The following CDH12 variants were observed in gnomAD, a reference collection of about 807,000 sequenced individuals.
The protein encoded by CDH12 is cadherin-12.
Under a neutral mutation model 74.1 loss-of-function variants are expected in CDH12, and 41 were observed. That is an observed-to-expected ratio of 0.55 (90% CI 0.43 to 0.72). CDH12 has a LOEUF of 0.72. Among genes scored for constraint, CDH12 ranks in the 30% least tolerant of loss-of-function variants. The probability of loss-of-function intolerance (pLI) is 0.00; values close to 1 mark genes in which losing one functional copy is unlikely to be tolerated. For synonymous variants in CDH12, 399 were observed against 355.0 expected, an observed-to-expected ratio of 1.12 and a Z score of -1.39; for missense variants, 945 against 977.2, an observed-to-expected ratio of 0.97 and a Z score of 0.44.
At chr5:22,814,166 C>A (rs769150257) in intron 1 of CDH12, among the ~76,000 whole-genome samples, 67 of 152,074 alleles carry the variant, frequency 4.4e-4, no homozygotes, top group Admixed American at 1.2e-3. Context: ...TCTTGTCTTA[C>A]ATAATCTAGG....
intron 1 of CDH12, 34 bp downstream of exon 1, chr5:22,853,024 G>C (rs910460136): frequency 6.6e-6 from 1 of 152,230 alleles, no homozygotes; most frequent in African/African-American, 2.4e-5. Flanking sequence ...TCACACACAC[G>C]CGGTGCAATC....
chr5:22,135,243 A>T (rs1746392393), intron 4 of CDH12, among the ~76,000 whole-genome samples: 1 of 151,570 alleles, frequency 6.6e-6, no homozygotes, highest in South Asian at 2.1e-4. Context: ...AATCAGACCA[A>T]ACAAAAACAA....
At chr5:22,286,481 G>T (rs929519029) in intron 3 of CDH12, among the ~76,000 whole-genome samples, 1 of 152,054 alleles carries the variant, frequency 6.6e-6, no homozygotes, top group Admixed American at 6.5e-5. Context: ...CAGCAGAGTC[G>T]GGTTTCATCT....
intron 1 of CDH12, among the ~76,000 whole-genome samples, chr5:22,784,586 G>C (rs1394112940): frequency 6.6e-6 from 1 of 151,958 alleles, no homozygotes; most frequent in African/African-American, 2.4e-5. Context: ...TAGTTAAAAC[G>C]ATCATGGCTT....
intron 4 of CDH12, among the ~76,000 whole-genome samples, chr5:22,174,603 C>T (rs947348541): frequency 6.6e-6 from 1 of 151,744 alleles, no homozygotes; most frequent in African/African-American, 2.4e-5. Flanking sequence ...TAATATAGAC[C>T]GACCATAATG....
chr5:22,437,240 A>G (rs1744434419), intron 2 of CDH12, among the ~76,000 whole-genome samples: 1 of 151,926 alleles, frequency 6.6e-6, no homozygotes, highest in East Asian at 1.9e-4. Flanking sequence ...TACTAAATAT[A>G]TCAAAATGTT....
chr5:22,560,527 GA>G (rs1318254849), intron 1 of CDH12, among the ~76,000 whole-genome samples: 3 of 151,696 alleles, frequency 2.0e-5, no homozygotes, highest in South Asian at 2.1e-4. Context: ...ACAAAATGTT[GA>G]AAGCAAAAAT....
At chr5:21,882,950 A>T in intron 6 of CDH12, 1 of 1,599,312 alleles carries the variant, frequency 6.3e-7, no homozygotes, top group Non-Finnish European at 8.6e-7. Context: ...CTGTACTGGC[A>T]GGCTCTATAG....
At chr5:22,471,572 G>A (rs946947212) in intron 2 of CDH12, among the ~76,000 whole-genome samples, 3 of 152,058 alleles carry the variant, frequency 2.0e-5, no homozygotes, top group Non-Finnish European at 4.4e-5. Context: ...AAACTTCCAT[G>A]GGGGGAAAAA....
chr5:22,713,281 C>A (rs1277140039), intron 1 of CDH12, among the ~76,000 whole-genome samples: 1 of 151,618 alleles, frequency 6.6e-6, no homozygotes, highest in African/African-American at 2.4e-5. Flanking sequence ...GCTGGGACTA[C>A]AGGCACAAAC....
chr5:22,255,837 G>A (rs1753293641), intron 3 of CDH12, among the ~76,000 whole-genome samples: 1 of 151,864 alleles, frequency 6.6e-6, no homozygotes, highest in African/African-American at 2.4e-5. Context: ...TATAACATCA[G>A]TATAACTGTT....
At chr5:22,641,173 A>T (rs1292183248) in intron 1 of CDH12, among the ~76,000 whole-genome samples, 1 of 152,130 alleles carries the variant, frequency 6.6e-6, no homozygotes, top group East Asian at 1.9e-4. Flanking sequence ...CTGCAAACTG[A>T]AGCCCCTGGG....
chr5:22,210,358 C>A (rs1751455760), intron 4 of CDH12, among the ~76,000 whole-genome samples: 1 of 145,632 alleles, frequency 6.9e-6, no homozygotes. Context: ...GAGGCAGATG[C>A]TAAGTAAAAT....
chr5:21,890,218 C>T (rs1281171364), intron 6 of CDH12, among the ~76,000 whole-genome samples: 2 of 152,010 alleles, frequency 1.3e-5, no homozygotes, highest in South Asian at 2.1e-4. Flanking sequence ...AGATTTATTT[C>T]CCTCATTCGT....
At chr5:21,855,575 C>G (rs561396230) in intron 6 of CDH12, among the ~76,000 whole-genome samples, 1,019 of 29,460 alleles carry the variant, frequency 0.035, 11 homozygotes, top group Middle Eastern at 0.083. Context: ...GAGTTCAGAA[C>G]AAAGTGTAAT....
At chr5:22,143,775 T>C (rs1746971514) in intron 4 of CDH12, 1 of 152,216 alleles carries the variant, frequency 6.6e-6, no homozygotes, top group Non-Finnish European at 1.5e-5. Context: ...AGATAAGAGG[T>C]GTTCTCCAGA....
intron 5 of CDH12, among the ~76,000 whole-genome samples, chr5:21,982,779 TA>T (rs1303374901): frequency 6.6e-6 from 1 of 152,142 alleles, no homozygotes; most frequent in Non-Finnish European, 1.5e-5. Flanking sequence ...ATACTCTTTT[TA>T]CACTAATTAG....
At chr5:22,787,515 A>T (rs1747697895) in intron 1 of CDH12, among the ~76,000 whole-genome samples, 1 of 152,182 alleles carries the variant, frequency 6.6e-6, no homozygotes, top group Non-Finnish European at 1.5e-5. Context: ...TTAGTGATTC[A>T]TTGCTATACA....
chr5:22,653,184 C>T (rs1442227848), intron 1 of CDH12, among the ~76,000 whole-genome samples: 1 of 152,022 alleles, frequency 6.6e-6, no homozygotes, highest in Non-Finnish European at 1.5e-5. Context: ...TGGCTATTCC[C>T]TTCTCTAAAT....
Sources: gnomAD v4.1 joint callset for allele counts (sites outside exome capture counted in the v4.1 genomes callset) on GRCh38, gnomAD v4.1.1 for gene constraint, MANE v1.5 for transcripts, NCBI Gene and HGNC (gene_info 2026-07-23, HGNC 2026-07-21) for gene names.